ZDHHC7: variants seen among roughly 807,000 people sequenced by gnomAD.
ZDHHC7 encodes palmitoyltransferase ZDHHC7.
A neutral mutation model predicts 34.1 loss-of-function variants in ZDHHC7; 12 were observed. The observed-to-expected ratio is 0.35, with a 90% CI of 0.23 to 0.57. The LOEUF is 0.57. Ranked by LOEUF, ZDHHC7 falls within the 20% of genes least tolerant of loss-of-function variation. ZDHHC7 has a pLI of 0.84. For missense variants in ZDHHC7, 388 were observed against 402.7 expected (o/e 0.96, Z 0.31); for synonymous variants, 185 against 155.4 (o/e 1.19, Z -1.42).
At chr16:84,984,274 G>A (rs1460475587) in intron 3 of ZDHHC7, among the ~76,000 whole-genome samples, 1 of 152,126 alleles carries the variant, frequency 6.6e-6, no homozygotes, top group African/African-American at 2.4e-5. Flanking sequence ...AACCGCCTCA[G>A]CTTCTCAAAG....
chr16:84,981,268 C>T (rs1049978452), intron 4 of ZDHHC7, among the ~76,000 whole-genome samples: 5 of 152,164 alleles, frequency 3.3e-5, no homozygotes, highest in African/African-American at 1.2e-4. Flanking sequence ...CTACTTGAGC[C>T]AGGCAGATAA....
intron 1 of ZDHHC7, among the ~76,000 whole-genome samples, chr16:85,010,176 T>G (rs74758820): frequency 6.6e-6 from 1 of 151,142 alleles, no homozygotes; most frequent in African/African-American, 2.4e-5. Flanking sequence ...TGTACCACCA[T>G]ATCCGGCTAA....
chr16:85,022,979 G>C, the ZDHHC7 span, among the ~76,000 whole-genome samples: 2 of 152,218 alleles, frequency 1.3e-5, no homozygotes, highest in East Asian at 3.9e-4. Context: ...CAGAGTAAAG[G>C]AGACTGACTA....
At chr16:85,011,127 G>A (rs941486566) in intron 1 of ZDHHC7, among the ~76,000 whole-genome samples, 159 bp downstream of exon 1, 1 of 152,234 alleles carries the variant, frequency 6.6e-6, no homozygotes, top group Non-Finnish European at 1.5e-5. Flanking sequence ...GTCAGGTGCG[G>A]GCACGGAGGT....
intron 1 of ZDHHC7, 36 bp downstream of exon 1, chr16:85,011,250 G>C (rs926720329): frequency 2.0e-5 from 3 of 152,136 alleles, no homozygotes; most frequent in African/African-American, 7.2e-5. Flanking sequence ...AGACCCGGGA[G>C]TGAGCAGCCC....
In ZDHHC7 at chr16:84,978,009, G is replaced by C. The variant is rs1179366236; in HGVS notation, c.538-4C>G. 6 of 1,599,884 alleles carry C rather than the reference G, an allele frequency of 3.8e-6. No homozygotes were observed. Among genetic ancestry groups the C allele is most frequent in the Admixed American group, 1.7e-5 (1 of 58,126 alleles). The stretch of plus-strand genomic sequence containing the variant: ...CTGAAGACAGAGCTATATACATCTA[G>C]AATGAGGGGGAGATTGGTTAGTCAC... On this transcript the variant is annotated splice_region_variant and splice_polypyrimidine_tract_variant and intron_variant, in intron 5 of 7. Transcript: ENST00000313732.
intron 1 of ZDHHC7, among the ~76,000 whole-genome samples, chr16:85,008,331 C>G (rs62050812): frequency 0.098 from 14,822 of 151,996 alleles, 821 homozygotes; most frequent in South Asian, 0.15. Flanking sequence ...ACTACAAAGA[C>G]TCAGGTGAGC....
intron 3 of ZDHHC7, among the ~76,000 whole-genome samples, chr16:84,982,698 G>A (rs939311744): frequency 1.3e-5 from 2 of 152,244 alleles, no homozygotes; most frequent in African/African-American, 4.8e-5. Context: ...ACACAAACCT[G>A]GAGGTGGCGG....
chr16:85,004,536 C>T (rs751353299), intron 1 of ZDHHC7, among the ~76,000 whole-genome samples: 3 of 150,134 alleles, frequency 2.0e-5, no homozygotes, highest in Admixed American at 6.7e-5. Context: ...TCCCACCCCA[C>T]CCCCCACTCC....
chr16:84,992,572 A>G (rs1447390275), intron 2 of ZDHHC7, among the ~76,000 whole-genome samples: 5 of 152,194 alleles, frequency 3.3e-5, no homozygotes, highest in African/African-American at 4.8e-5. Context: ...GAGAGTTGTA[A>G]TATCACAGAT....
chr16:84,994,680 G>C lies in ZDHHC7; in HGVS notation c.-18+1242C>G, dbSNP rs571591203. ...GATGGCAGGCACAGCTGTGTAAGGA[G>C]AGCGCCCACAGACACCAAACACTGG... On this transcript the variant is annotated intron_variant, in intron 2 of 7. Coordinates refer to ENST00000313732, the MANE Select transcript of ZDHHC7 (RefSeq NM_017740.3). 2.9e-3 allele frequency among the ~76,000 whole-genome samples: 439 copies of C among 152,258 alleles called. 2 individuals carry two copies. The highest frequency in any genetic ancestry group is 0.01 in the African/African-American group (422 of 41,546).
chr16:85,019,937 C>G, the ZDHHC7 span, among the ~76,000 whole-genome samples: 2 of 152,186 alleles, frequency 1.3e-5, no homozygotes, highest in African/African-American at 2.4e-5. Flanking sequence ...CTCGTAGACT[C>G]ACTTCATCCT....
At chr16:84,977,271 A>C (rs952726801) in intron 6 of ZDHHC7, 46 bp from the exon 7 acceptor site, 3 of 1,603,628 alleles carry the variant, frequency 1.9e-6, no homozygotes, top group African/African-American at 2.7e-5. Context: ...GAATACCCCG[A>C]GTGGCAGAAT....
chr16:85,006,401 A>G (rs999430394), intron 1 of ZDHHC7, among the ~76,000 whole-genome samples: 1 of 152,108 alleles, frequency 6.6e-6, no homozygotes, highest in Non-Finnish European at 1.5e-5. Flanking sequence ...GAAAAATAAA[A>G]TTAAATAATT....
At chr16:85,010,840 A>G (rs537326252) in intron 1 of ZDHHC7, among the ~76,000 whole-genome samples, 4 of 152,256 alleles carry the variant, frequency 2.6e-5, no homozygotes, top group Non-Finnish European at 5.9e-5. Context: ...AGATGGGCAG[A>G]GAATAAAAGA....
chr16:84,987,371 C>T (rs2143616838), intron 3 of ZDHHC7, among the ~76,000 whole-genome samples: 1 of 151,938 alleles, frequency 6.6e-6, no homozygotes, highest in South Asian at 2.1e-4. Context: ...AAAAGAATGG[C>T]AATAATGTGT....
intron 1 of ZDHHC7, among the ~76,000 whole-genome samples, chr16:84,998,526 T>C (rs560255209): frequency 6.6e-6 from 1 of 152,206 alleles, no homozygotes; most frequent in South Asian, 2.1e-4. Context: ...TCTGAAAACA[T>C]ATTCTGGGGT....
intron 4 of ZDHHC7, among the ~76,000 whole-genome samples, chr16:84,979,888 C>T (rs2072343904): frequency 6.6e-6 from 1 of 150,732 alleles, no homozygotes; most frequent in Non-Finnish European, 1.5e-5. Context: ...CATTTAATTA[C>T]ATCAAGCAGA....
chr16:85,001,470 CAA>C (rs71151261), intron 1 of ZDHHC7, among the ~76,000 whole-genome samples: 2 of 95,376 alleles, frequency 2.1e-5, no homozygotes, highest in Non-Finnish European at 1.9e-5. Context: ...GACCCTGTCT[CAA>C]AAAAAAAAAA....
Sources: gnomAD v4.1 joint callset for allele counts (sites outside exome capture counted in the v4.1 genomes callset) on GRCh38, gnomAD v4.1.1 for gene constraint, MANE v1.5 for transcripts, NCBI Gene and HGNC (gene_info 2026-07-23, HGNC 2026-07-21) for gene names.